Variants in ESRRG observed in about 807,000 individuals in gnomAD.
The protein encoded by ESRRG is estrogen-related receptor gamma.
A neutral mutation model predicts 44.0 loss-of-function variants in ESRRG; 13 were observed. That is an observed-to-expected ratio of 0.30 (90% CI 0.19 to 0.47). ESRRG has a LOEUF of 0.47. Ranked by LOEUF, ESRRG falls within the 20% of genes least tolerant of loss-of-function variation. ESRRG has a pLI of 1.00. For missense variants in ESRRG, 395 were observed against 580.6 expected (o/e 0.68, Z 3.29); for synonymous variants, 215 against 214.6 (o/e 1.00, Z -0.02).
intron 1 of ESRRG, among the ~76,000 whole-genome samples, chr1:216,686,771 G>A (rs1291805849): frequency 1.3e-5 from 2 of 152,066 alleles, no homozygotes; most frequent in East Asian, 1.9e-4. Flanking sequence ...GTAACCTGAG[G>A]CAAGTCATTG....
At chr1:216,695,972 C>G (rs2080076081) in intron 1 of ESRRG, among the ~76,000 whole-genome samples, 1 of 152,176 alleles carries the variant, frequency 6.6e-6, no homozygotes, top group African/African-American at 2.4e-5. Context: ...TTACACCAAC[C>G]TAGATCGTTG....
intron 2 of ESRRG, among the ~76,000 whole-genome samples, chr1:216,869,935 G>A (rs2096236619): frequency 6.6e-6 from 1 of 151,876 alleles, no homozygotes; most frequent in Non-Finnish European, 1.5e-5. Context: ...TTATGTCTAA[G>A]AGATTTTTGG....
In ESRRG at chr1:216,702,807, C is replaced by T. The variant is rs566259770; in HGVS notation, c.56+20437G>A. 1.8e-4 allele frequency among the ~76,000 whole-genome samples: 27 copies of T among 147,846 alleles called. No homozygotes were observed. In the South Asian group the frequency reaches 5.2e-3, roughly 28 times the overall value. ...AAAAAAAAAAAAAAGATATTCCAGG[C>T]AAAGTTGACTCAAGCACATGAGTTG... On this transcript the variant is annotated intron_variant, in intron 1 of 6. Transcript: ENST00000408911.
chr1:216,664,092 C>G (rs1343579640), intron 2 of ESRRG, among the ~76,000 whole-genome samples: 1 of 152,104 alleles, frequency 6.6e-6, no homozygotes, highest in Non-Finnish European at 1.5e-5. Context: ...ATTCTTAATT[C>G]CTCATTTTTA....
chr1:216,677,325 G>A lies in ESRRG; in HGVS notation c.223C>T (p.His75Tyr). 6.2e-7 allele frequency: 1 copy of A among 1,614,142 alleles called. No individual in the cohort carries two copies. The highest frequency in any genetic ancestry group is 1.1e-5 in the South Asian group (1 of 91,082). Residue 75 changes from histidine (H) to tyrosine (Y), a missense_variant, in exon 2 of 7, where the codon CAT becomes TAT. By Grantham distance (83) the His-to-Tyr change is moderately conservative (BLOSUM62 2). Coordinates refer to ENST00000408911, the MANE Select transcript of ESRRG (RefSeq NM_001438.4). Reference sequence around the variant, plus strand: ...GGTGGCGAGTCAAGTCCGTTCTGATGGCCATTCATGGTTGAACTGTAGCTC... The same window carrying A: ...GGTGGCGAGTCAAGTCCGTTCTGATAGCCATTCATGGTTGAACTGTAGCTC... Reference protein sequence around the residue: ...SGSYSSTMNGHQNGLDSPPLY... With the variant: ...SGSYSSTMNGYQNGLDSPPLY...
chr1:216,778,084 C>A (rs1448607222), intron 2 of ESRRG, among the ~76,000 whole-genome samples: 1 of 151,974 alleles, frequency 6.6e-6, no homozygotes, highest in Non-Finnish European at 1.5e-5. Context: ...TAAAACAGAC[C>A]AAACAGAGAA....
chr1:216,762,997 G>T (rs2092879387), intron 2 of ESRRG, among the ~76,000 whole-genome samples: 1 of 152,016 alleles, frequency 6.6e-6, no homozygotes, highest in Non-Finnish European at 1.5e-5. Context: ...ACCTAAGAGT[G>T]CTAACTCCTA....
At chr1:216,984,017 G>T (rs1350790026) in intron 1 of ESRRG, among the ~76,000 whole-genome samples, 2 of 143,756 alleles carry the variant, frequency 1.4e-5, no homozygotes, top group Non-Finnish European at 3.0e-5. Flanking sequence ...GGGTCATGGT[G>T]CTGGGAGAGG....
chr1:216,578,304 T>A (rs183324853), intron 3 of ESRRG, among the ~76,000 whole-genome samples: 215 of 152,164 alleles, frequency 1.4e-3, no homozygotes, highest in African/African-American at 4.7e-3. Context: ...TACACAGTCA[T>A]AGTAATAATA....
intron 1 of ESRRG, among the ~76,000 whole-genome samples, chr1:217,068,252 G>A (rs2151424930): frequency 6.6e-6 from 1 of 152,136 alleles, no homozygotes; most frequent in African/African-American, 2.4e-5. Context: ...GCCCTTCCCT[G>A]TCTCCTTTCT....
In ESRRG at chr1:216,505,571, C is replaced by G. The variant is rs922231534; in HGVS notation, c.*1368G>C. The G allele has an allele frequency of 6.6e-6, 1 of 152,526 alleles. No homozygotes were observed. Among genetic ancestry groups the G allele is most frequent in the Non-Finnish European group, 1.5e-5 (1 of 68,032 alleles). 9.4% of individuals were successfully genotyped at this position (152,526 alleles called of 1,614,324 possible). ...CAGGCAGTATCACATTCCTAACCACCATGGCAGCTAGAAATCATATGGCAA... is the reference window on the plus strand; with the variant it reads ...CAGGCAGTATCACATTCCTAACCACGATGGCAGCTAGAAATCATATGGCAA... On this transcript the variant is annotated 3_prime_UTR_variant, in exon 7 of 7. Transcript: ENST00000408911.
At chr1:216,926,854 T>C (rs2149779670) in intron 2 of ESRRG, among the ~76,000 whole-genome samples, 1 of 152,018 alleles carries the variant, frequency 6.6e-6, no homozygotes, top group South Asian at 2.1e-4. Flanking sequence ...GAGCGCCGGG[T>C]GGAATGCTGA....
intron 3 of ESRRG, among the ~76,000 whole-genome samples, chr1:216,650,369 A>G (rs1303511893): frequency 6.6e-6 from 1 of 152,210 alleles, no homozygotes; most frequent in Non-Finnish European, 1.5e-5. Flanking sequence ...AGTGGCATCT[A>G]GAATCAATAG....
chr1:216,769,681 A>T (rs1483176671), intron 2 of ESRRG, among the ~76,000 whole-genome samples: 1 of 152,154 alleles, frequency 6.6e-6, no homozygotes, highest in Admixed American at 6.6e-5. Flanking sequence ...AGAGGTAGGC[A>T]CACTAGCCAT....
At chr1:216,675,933 G>A (rs972130991) in intron 2 of ESRRG, among the ~76,000 whole-genome samples, 4 of 152,154 alleles carry the variant, frequency 2.6e-5, no homozygotes, top group African/African-American at 7.2e-5. Context: ...TTGGGGACAT[G>A]AGCCCTGACA....
chr1:216,677,264 C>T lies in ESRRG; in HGVS notation c.284G>A (p.Gly95Glu), dbSNP rs746008005. ...GTCATCATACAGTTTCCTGACAGGC[C>T]CACTACCTCCCAGGATAGGAGCAGA... Reference protein sequence around the residue: ...YPSAPILGGSGPVRKLYDDCS... With the variant: ...YPSAPILGGSEPVRKLYDDCS... Residue 95 changes from glycine (G) to glutamate (E), a missense_variant, in exon 2 of 7, where the codon GGG (glycine) becomes GAG (glutamate). Coordinates refer to ENST00000408911, the MANE Select transcript of ESRRG (RefSeq NM_001438.4). The T allele has an allele frequency of 6.2e-7, 1 of 1,614,052 alleles. No homozygotes were observed. Among genetic ancestry groups the T allele is most frequent in the South Asian group, 1.1e-5 (1 of 91,066 alleles).
chr1:216,596,492 C>A (rs908380522), intron 3 of ESRRG, among the ~76,000 whole-genome samples: 7 of 152,196 alleles, frequency 4.6e-5, no homozygotes, highest in Non-Finnish European at 7.3e-5. Flanking sequence ...CCTCCGCTAG[C>A]TTCACTTTTA....
intron 1 of ESRRG, among the ~76,000 whole-genome samples, chr1:216,678,808 G>A (rs1042470433): frequency 6.6e-6 from 1 of 152,128 alleles, no homozygotes; most frequent in African/African-American, 2.4e-5. Context: ...CTGGGTAATG[G>A]TCATTCACTA....
chr1:216,880,880 C>T (rs2096435582), intron 2 of ESRRG, among the ~76,000 whole-genome samples: 1 of 152,074 alleles, frequency 6.6e-6, no homozygotes, highest in Admixed American at 6.6e-5. Context: ...AAAAGCATTG[C>T]TGACCCACTA....
Sources: gnomAD v4.1 joint callset for allele counts (sites outside exome capture counted in the v4.1 genomes callset) on GRCh38, gnomAD v4.1.1 for gene constraint, MANE v1.5 for transcripts, NCBI Gene and HGNC (gene_info 2026-07-23, HGNC 2026-07-21) for gene names.